ASIC2: variants seen among roughly 807,000 people sequenced by gnomAD.
ASIC2 encodes acid sensing ion channel subunit 2.
In ASIC2, 25 loss-of-function variants were observed where a neutral mutation model predicts 57.3. The ratio of observed to expected loss-of-function variants is 0.44; its 90% CI spans 0.32 to 0.61. The LOEUF is 0.61. ASIC2 is among the 20% of genes least tolerant of loss of function. The pLI is 0.06. For missense variants in ASIC2, 641 were observed against 738.1 expected, an observed-to-expected ratio of 0.87 and a Z score of 1.52; for synonymous variants, 319 against 307.5, an observed-to-expected ratio of 1.04 and a Z score of -0.39.
chr17:33,794,378 C>T (rs1016653057), intron 1 of ASIC2: 2 of 152,228 alleles, frequency 1.3e-5, no homozygotes, highest in Non-Finnish European at 2.9e-5. Context: ...CCCTTCCTGA[C>T]CTCACATTCT....
intron 1 of ASIC2, among the ~76,000 whole-genome samples, chr17:33,580,490 G>A (rs887590514): frequency 2.6e-5 from 4 of 152,172 alleles, no homozygotes; most frequent in Non-Finnish European, 4.4e-5. Flanking sequence ...TGGGTCCCCA[G>A]GGCCCACACT....
chr17:33,994,886 A>G (rs953086656), intron 1 of ASIC2, among the ~76,000 whole-genome samples: 1 of 151,898 alleles, frequency 6.6e-6, no homozygotes, highest in African/African-American at 2.4e-5. Flanking sequence ...GACAATGCAG[A>G]AAAAAAACGG....
chr17:33,988,770 C>T (rs766689497), intron 1 of ASIC2, among the ~76,000 whole-genome samples: 12 of 152,024 alleles, frequency 7.9e-5, no homozygotes, highest in Non-Finnish European at 1.6e-4. Context: ...CCATTGCTCC[C>T]AGAGAGCTAT....
intron 1 of ASIC2, among the ~76,000 whole-genome samples, chr17:33,766,784 G>GA (rs1246801000): frequency 6.6e-6 from 1 of 152,122 alleles, no homozygotes; most frequent in Non-Finnish European, 1.5e-5. Flanking sequence ...GGTAAAAAAA[G>GA]AAAAATCACA....
chr17:34,082,472 T>C (rs1909922559), intron 1 of ASIC2, among the ~76,000 whole-genome samples: 2 of 152,230 alleles, frequency 1.3e-5, no homozygotes, highest in African/African-American at 4.8e-5. Context: ...AGCATTGTCC[T>C]TTAAACGGAA....
chr17:33,059,653 A>G (rs907548998), intron 3 of ASIC2, among the ~76,000 whole-genome samples: 1 of 152,204 alleles, frequency 6.6e-6, no homozygotes, highest in Non-Finnish European at 1.5e-5. Context: ...AGCATGATTT[A>G]TAGTCCTTTG....
At chr17:33,663,712 A>G (rs983913226) in intron 1 of ASIC2, among the ~76,000 whole-genome samples, 2 of 152,124 alleles carry the variant, frequency 1.3e-5, no homozygotes, top group African/African-American at 4.8e-5. Context: ...ACAGACTGTA[A>G]TTTTAAAACA....
intron 1 of ASIC2, among the ~76,000 whole-genome samples, chr17:33,965,760 T>C (rs1238640427): frequency 6.6e-6 from 1 of 152,188 alleles, no homozygotes; most frequent in Non-Finnish European, 1.5e-5. Flanking sequence ...TGCACACTCT[T>C]GATGAACCTC....
At chr17:33,735,589 C>G (rs970541659) in intron 1 of ASIC2, among the ~76,000 whole-genome samples, 1 of 152,098 alleles carries the variant, frequency 6.6e-6, no homozygotes, top group Non-Finnish European at 1.5e-5. Flanking sequence ...TAGTTTTGGT[C>G]TTAATCAGGC....
intron 1 of ASIC2, among the ~76,000 whole-genome samples, chr17:33,363,997 T>C (rs1306202595): frequency 6.6e-6 from 1 of 152,184 alleles, no homozygotes. Flanking sequence ...ACATCATGTC[T>C]CAGAGCTGGA....
intron 1 of ASIC2, among the ~76,000 whole-genome samples, chr17:33,259,501 C>A (rs531638943): frequency 6.6e-6 from 1 of 151,962 alleles, no homozygotes; most frequent in Non-Finnish European, 1.5e-5. Context: ...ATGTAGGGCT[C>A]ACCAGACAAG....
At position 33,491,977 on chromosome 17, in the gene ASIC2, G is replaced by A. The variant is rs530151526; in HGVS notation, c.556-379910C>T. ...GAGCAAGTCTAATCTTTTTTGTAGCGGCTTTTTGGACATTTAAGGATTAAG... is the reference window on the plus strand; with the variant it reads ...GAGCAAGTCTAATCTTTTTTGTAGCAGCTTTTTGGACATTTAAGGATTAAG... On this transcript the variant is annotated intron_variant, in intron 1 of 9. Coordinates refer to the ASIC2 transcript ENST00000359872. Among the ~76,000 whole-genome samples the A allele has an allele frequency of 1.2e-3, 188 of 152,166 alleles. 2 individuals are homozygous for A. Among genetic ancestry groups the A allele is most frequent in the African/African-American group, 4.3e-3 (179 of 41,512 alleles).
intron 1 of ASIC2, among the ~76,000 whole-genome samples, chr17:33,457,158 A>T (rs752817824): frequency 3.3e-5 from 5 of 152,222 alleles, no homozygotes; most frequent in Non-Finnish European, 7.3e-5. Flanking sequence ...CCTGGCATGA[A>T]GTAAGAACTT....
At chr17:33,165,805 A>G (rs976858050) in intron 1 of ASIC2, among the ~76,000 whole-genome samples, 2 of 152,118 alleles carry the variant, frequency 1.3e-5, no homozygotes, top group Non-Finnish European at 2.9e-5. Context: ...TTTGCCTTTT[A>G]ATGTAAGGAC....
chr17:33,582,618 C>T (rs868019898), intron 1 of ASIC2, among the ~76,000 whole-genome samples: 1 of 152,148 alleles, frequency 6.6e-6, no homozygotes. Flanking sequence ...AAGGATGTAC[C>T]TCAAGCTCTT....
rs200391952 is a variant in ASIC2, at chr17:34,107,056, C to T, written c.555+48922G>A. 1.1e-4 allele frequency among the ~76,000 whole-genome samples: 16 copies of T among 152,232 alleles called. No homozygotes were observed. The East Asian group carries it at 2.1e-3, about 20-fold the overall frequency. On this transcript the variant is annotated intron_variant, in intron 1 of 9. Transcript: ENST00000359872. ...ATGCAGGTGCATACATATATGTTCA[C>T]TTAAACATATATACACACATATATG...
chr17:34,109,020 T>G (rs573111867), intron 1 of ASIC2, among the ~76,000 whole-genome samples: 62 of 126,574 alleles, frequency 4.9e-4, no homozygotes, highest in African/African-American at 1.6e-3. Context: ...TTTTCTTTTT[T>G]TATTTGTTGA....
intron 1 of ASIC2, among the ~76,000 whole-genome samples, chr17:33,719,646 C>A (rs770466455): frequency 2.6e-4 from 40 of 152,166 alleles, no homozygotes; most frequent in Non-Finnish European, 4.3e-4. Flanking sequence ...GGGCATGGAG[C>A]CTTCAGTACC....
chr17:33,244,158 G>C (rs1046342956), intron 1 of ASIC2, among the ~76,000 whole-genome samples: 4 of 152,214 alleles, frequency 2.6e-5, no homozygotes, highest in African/African-American at 9.7e-5. Context: ...GCCTAAGGAA[G>C]TGTAGGGACA....
Sources: gnomAD v4.1 joint callset for allele counts (sites outside exome capture counted in the v4.1 genomes callset) on GRCh38, gnomAD v4.1.1 for gene constraint, MANE v1.5 for transcripts, NCBI Gene and HGNC (gene_info 2026-07-23, HGNC 2026-07-21) for gene names.